The following GNG4 variants were observed in gnomAD, a reference collection of about 807,000 sequenced individuals.
GNG4 encodes the protein G protein subunit gamma 4.
A neutral mutation model predicts 5.8 loss-of-function variants in GNG4; 4 were observed. That is an observed-to-expected ratio of 0.69 (90% CI 0.34 to 1.57). The LOEUF (loss-of-function observed/expected upper bound fraction) is 1.57, where lower values mean the gene tolerates loss of function less well. Among genes scored for constraint, GNG4 ranks in the 40% most tolerant of loss-of-function variants. GNG4 has a pLI of 0.06. For synonymous variants in GNG4, 29 were observed against 32.9 expected, an observed-to-expected ratio of 0.88 and a Z score of 0.41; for missense variants, 96 against 95.1, an observed-to-expected ratio of 1.01 and a Z score of -0.04.
Position 235,648,479 on chromosome 1 carries a change from G to A in GNG4, c.-123+1183C>T, listed in dbSNP as rs991662943. Among the ~76,000 whole-genome samples the A allele has an allele frequency of 6.6e-6, 1 of 152,188 alleles. No homozygotes were observed. The highest frequency in any genetic ancestry group is 1.5e-5 in the Non-Finnish European group (1 of 68,038). Reference sequence around the variant, plus strand: ...CCAGTCGCCTCTTGCAGGGAACAGGGCCAGATCAGATGGCGGCTGGTTCCC... The same window carrying A: ...CCAGTCGCCTCTTGCAGGGAACAGGACCAGATCAGATGGCGGCTGGTTCCC... On this transcript the variant is annotated intron_variant, in intron 1 of 3. Coordinates refer to ENST00000391854, the MANE Select transcript of GNG4 (RefSeq NM_001098722.2). The surrounding 1 kb of genome is among the most constrained non-coding windows in gnomAD (Gnocchi z 5.0).
intron 1 of GNG4, among the ~76,000 whole-genome samples, chr1:235,606,513 C>G (rs1207476057): frequency 6.6e-6 from 1 of 151,948 alleles, no homozygotes; most frequent in Non-Finnish European, 1.5e-5. Context: ...GATCTGGATG[C>G]TGGGGAGGGG....
At chr1:235,638,861 A>G (rs200244868) in intron 1 of GNG4, among the ~76,000 whole-genome samples, 1 of 123,804 alleles carries the variant, frequency 8.1e-6, no homozygotes, top group East Asian at 3.5e-4. Context: ...CTGCATAGTA[A>G]TCCATGGTGT....
intron 3 of GNG4, among the ~76,000 whole-genome samples, chr1:235,555,246 C>T (rs1260911863): frequency 2.0e-5 from 3 of 152,072 alleles, no homozygotes; most frequent in Non-Finnish European, 4.4e-5. Context: ...GTGAATCTGC[C>T]CCCTTTCTTC....
chr1:235,553,789 G>A (rs1222078568), intron 3 of GNG4, among the ~76,000 whole-genome samples: 1 of 152,110 alleles, frequency 6.6e-6, no homozygotes, highest in Admixed American at 6.5e-5. Flanking sequence ...ATCTACCCCC[G>A]CCCGTAAGCT....
chr1:235,616,900 G>A (rs938356811), intron 1 of GNG4, among the ~76,000 whole-genome samples: 3 of 114,368 alleles, frequency 2.6e-5, no homozygotes, highest in African/African-American at 6.7e-5. Context: ...AAACACACCT[G>A]GCTAATTTTT....
chr1:235,631,494 C>T (rs1015083605), intron 1 of GNG4, among the ~76,000 whole-genome samples: 1 of 152,158 alleles, frequency 6.6e-6, no homozygotes, highest in South Asian at 2.1e-4. Context: ...AGCGGAGGCT[C>T]GGTGCCTGGA....
chr1:235,626,958 CAAA>C (rs776506587), intron 1 of GNG4, among the ~76,000 whole-genome samples: 34 of 77,338 alleles, frequency 4.4e-4, no homozygotes, highest in Non-Finnish European at 6.2e-4. Flanking sequence ...GACTCTATCT[CAAA>C]AAAAAAAAAA....
Position 235,649,668 on chromosome 1 carries a change from C to G in GNG4, c.-129G>C, listed in dbSNP as rs1657611816. ...CGGCCGGGCGCCCACTTACCCGGAG[C>G]GGGATCACGCGCGGGCTTCGTCTGC... On this transcript the variant is annotated 5_prime_UTR_variant, in exon 1 of 4. Coordinates refer to ENST00000391854, the MANE Select transcript of GNG4 (RefSeq NM_001098722.2). The surrounding 1 kb of genome is among the most constrained non-coding windows in gnomAD (Gnocchi z 5.7). 6.6e-6 allele frequency: 1 copy of G among 152,116 alleles called. No individual in the cohort carries two copies. Among genetic ancestry groups the G allele is most frequent in the Admixed American group, 6.5e-5 (1 of 15,274 alleles). The allele number at this position is 152,116 out of a possible 1,614,324, so 9.4% of individuals were successfully genotyped here. A position where few individuals can be genotyped will look rare whatever the true frequency, so the allele number is the denominator to read the frequency against.
In GNG4 at chr1:235,648,200, A is replaced by C. The variant is rs1657559700; in HGVS notation, c.-123+1462T>G. On this transcript the variant is annotated intron_variant, in intron 1 of 3. Transcript: ENST00000391854. The surrounding 1 kb of genome is among the most constrained non-coding windows in gnomAD (Gnocchi z 5.0). ...GAGTTGTGCATGGAGGTGGGGGCCA[A>C]CAGGAAGTCCATTGTCCTAAATAGT... is the stretch of plus-strand genomic sequence containing the variant. 6.6e-6 allele frequency among the ~76,000 whole-genome samples: 1 copy of C among 152,154 alleles called. No individual in the cohort carries two copies. The highest frequency in any genetic ancestry group is 6.5e-5 in the Admixed American group (1 of 15,274).
chr1:235,575,908 G>A (rs78903483), intron 3 of GNG4, among the ~76,000 whole-genome samples: 7,112 of 152,202 alleles, frequency 0.047, 513 homozygotes, highest in African/African-American at 0.15. Flanking sequence ...TTGGGAGAAC[G>A]CCTTCTCAGT....
In GNG4 at chr1:235,551,614, A is replaced by C. The variant is rs1686752898; in HGVS notation, c.*495T>G. 6.5e-6 allele frequency: 1 copy of C among 152,836 alleles called. No individual in the cohort carries two copies. Among genetic ancestry groups the C allele is most frequent in the East Asian group, 1.9e-4 (1 of 5,210 alleles). 9.5% of individuals were successfully genotyped at this position (152,836 alleles called of 1,614,324 possible). A position where few individuals can be genotyped will look rare whatever the true frequency, so the allele number is the denominator to read the frequency against. On this transcript the variant is annotated 3_prime_UTR_variant, in exon 4 of 4. Transcript: ENST00000391854. ...TCCTGTGGGTTGTTGTCTTTTTACTAGGATGATGGAAATGCAGGAAATACA... is the reference window on the plus strand; with the variant it reads ...TCCTGTGGGTTGTTGTCTTTTTACTCGGATGATGGAAATGCAGGAAATACA...
chr1:235,607,937 A>AT lies in GNG4; in HGVS notation c.-122-12427dup, dbSNP rs140271145. ...ACCAGCTACAGGAAATGCTGTTTCT[A>AT]TTTTTTTTTTTTTTTTTTGAGATGG... is the stretch of plus-strand genomic sequence containing the variant. On this transcript the variant is annotated intron_variant, in intron 1 of 3. Coordinates refer to ENST00000391854, the MANE Select transcript of GNG4 (RefSeq NM_001098722.2). Among the ~76,000 whole-genome samples, 1,251 of 132,730 alleles carry AT rather than the reference A, an allele frequency of 9.4e-3. 13 individuals carry two copies. Among genetic ancestry groups the AT allele is most frequent in the Middle Eastern group, 0.023 (6 of 262 alleles). 87.1% of individuals were successfully genotyped at this position (132,730 alleles called of 152,430 possible).
chr1:235,597,578 A>C (rs1474891389), intron 1 of GNG4, among the ~76,000 whole-genome samples: 1 of 88,438 alleles, frequency 1.1e-5, no homozygotes, highest in African/African-American at 4.5e-5. Context: ...TTTTTTTTTT[A>C]ACTTGTTTGC....
chr1:235,607,568 C>A (rs923660530), intron 1 of GNG4, among the ~76,000 whole-genome samples: 17 of 152,262 alleles, frequency 1.1e-4, no homozygotes, highest in African/African-American at 3.9e-4. Context: ...TTGTACTTCA[C>A]AGACTCTGTA....
Position 235,648,512 on chromosome 1 carries a change from G to A in GNG4, c.-123+1150C>T, listed in dbSNP as rs924627238. ...AGATGGCGGCTGGTTCCCCTCCCCC[G>A]CCTCATACAAAAATCAGGAAAAGGA... On this transcript the variant is annotated intron_variant, in intron 1 of 3. Coordinates refer to ENST00000391854, the MANE Select transcript of GNG4 (RefSeq NM_001098722.2). The surrounding 1 kb of genome is among the most constrained non-coding windows in gnomAD (Gnocchi z 5.0). Among the ~76,000 whole-genome samples the A allele has an allele frequency of 5.9e-5, 9 of 152,132 alleles. No individual in the cohort carries two copies. Among genetic ancestry groups the A allele is most frequent in the African/African-American group, 2.2e-4 (9 of 41,432 alleles).
chr1:235,568,793 CT>C (rs10625498), intron 3 of GNG4, among the ~76,000 whole-genome samples: 29,322 of 144,518 alleles, frequency 0.2, 3,414 homozygotes, highest in African/African-American at 0.31. Context: ...TTTTTCTTTC[CT>C]TTTTTTTTTT....
At chr1:235,598,750 C>T (rs1688185902) in intron 1 of GNG4, among the ~76,000 whole-genome samples, 1 of 146,444 alleles carries the variant, frequency 6.8e-6, no homozygotes, top group Non-Finnish European at 1.5e-5. Context: ...TTTTTTGAGA[C>T]AGGCTCACTC....
rs1686737303 is a variant in GNG4 at position 235,551,253 on chromosome 1, C to T, written c.*856G>A. The T allele has an allele frequency of 6.6e-6, 1 of 152,404 alleles. No homozygotes were observed. The highest frequency in any genetic ancestry group is 1.5e-5 in the Non-Finnish European group (1 of 68,200). 9.4% of individuals were successfully genotyped at this position (152,404 alleles called of 1,614,324 possible). On this transcript the variant is annotated 3_prime_UTR_variant, in exon 4 of 4. Coordinates refer to ENST00000391854, the MANE Select transcript of GNG4 (RefSeq NM_001098722.2). Reference sequence around the variant, plus strand: ...GCCCCAGGAGGATATGCTAAGAAAACCATTCCACGGCCGGGTGTGGTGGCT... The same window carrying T: ...GCCCCAGGAGGATATGCTAAGAAAATCATTCCACGGCCGGGTGTGGTGGCT...
At chr1:235,590,739 C>A (rs936177304) in intron 2 of GNG4, among the ~76,000 whole-genome samples, 3 of 152,164 alleles carry the variant, frequency 2.0e-5, no homozygotes, top group Admixed American at 6.5e-5. Context: ...TGGCCCTGCA[C>A]ACCTGGACGT....
Sources: allele counts gnomAD v4.1 joint callset (sites outside exome capture counted in the v4.1 genomes callset), GRCh38; gene constraint gnomAD v4.1.1; non-coding constraint Gnocchi (gnomAD v3.1); transcripts MANE v1.5; gene names NCBI Gene and HGNC (gene_info 2026-07-23, HGNC 2026-07-21).